MBTPS2: variants seen among roughly 807,000 people sequenced by gnomAD.
MBTPS2 encodes the protein membrane-bound transcription factor site-2 protease.
MBTPS2 carries 2 observed loss-of-function variants against 35.4 expected under a neutral mutation model. That is an observed-to-expected ratio of 0.06 (90% CI 0.02 to 0.18). The LOEUF is 0.18. MBTPS2 is among the 10% of genes least tolerant of loss of function. The pLI is 1.00. For synonymous variants in MBTPS2, 125 were observed against 140.4 expected (o/e 0.89, Z 0.77); for missense variants, 244 against 386.5 (o/e 0.63, Z 3.09).
chrX:21,845,150 G>T, intron 2 of MBTPS2, 21 bp from the exon 3 acceptor site: 4 of 1,209,769 alleles, frequency 3.3e-6, no homozygotes, highest in Non-Finnish European at 4.5e-6. Context: ...AAATTAACAT[G>T]ATTTTTTTCC....
chrX:21,863,111 C>A (rs2147443724), intron 5 of MBTPS2, among the ~76,000 whole-genome samples: 1 of 93,967 alleles, frequency 1.1e-5, no homozygotes, highest in African/African-American at 3.8e-5. Context: ...AACACACACA[C>A]TAAAAAACTA....
rs1192703780 is a variant in MBTPS2, at chrX:21,839,617, G to C, written c.-118G>C. 5 of 731,168 alleles carry C rather than the reference G, an allele frequency of 6.8e-6. No homozygotes were observed. Among genetic ancestry groups the C allele is most frequent in the Non-Finnish European group, 1.0e-5 (5 of 478,540 alleles). 60.3% of individuals were successfully genotyped at this position (731,168 alleles called of 1,213,427 possible). On this transcript the variant is annotated 5_prime_UTR_variant, in exon 1 of 11. Transcript: ENST00000379484. ...ACCGTGCCACCGCAAGGAAGGAGCC[G>C]GCGGTAGCTTGGTTCCTGAGCGGAT...
chrX:21,856,311 TGC>T, intron 5 of MBTPS2: 3 of 379,491 alleles, frequency 7.9e-6, no homozygotes, highest in Non-Finnish European at 1.4e-5. Context: ...CGCCTTTCTC[TGC>T]AGCTCGCGCC....
At chrX:21,857,025 G>A in intron 5 of MBTPS2, 1 of 1,211,963 alleles carries the variant, frequency 8.3e-7, no homozygotes, top group Non-Finnish European at 1.1e-6. Flanking sequence ...AACGCTGGAG[G>A]GTGAGTTTTC....
chrX:21,863,576 A>G (rs1477621696), intron 5 of MBTPS2, among the ~76,000 whole-genome samples: 1 of 111,700 alleles, frequency 9.0e-6, no homozygotes, highest in African/African-American at 3.2e-5. Context: ...TTAAAAGCCA[A>G]TTGAACATTT....
At chrX:21,846,493 C>T (rs375913276) in intron 3 of MBTPS2, among the ~76,000 whole-genome samples, 1 of 112,013 alleles carries the variant, frequency 8.9e-6, no homozygotes, top group East Asian at 2.8e-4. Flanking sequence ...GCCTCAGCCT[C>T]CTGAGTAGCT....
At chrX:21,879,821 G>T (rs932421371) in intron 9 of MBTPS2, among the ~76,000 whole-genome samples, 6 of 110,208 alleles carry the variant, frequency 5.4e-5, no homozygotes, top group Admixed American at 2.0e-4. Context: ...ATGTTTTCAA[G>T]GTTTATCTGT....
At chrX:21,850,057 G>A (rs1485781552) in intron 3 of MBTPS2, among the ~76,000 whole-genome samples, 1 of 106,834 alleles carries the variant, frequency 9.4e-6, no homozygotes, top group Non-Finnish European at 1.9e-5. Flanking sequence ...AAAGAGACAG[G>A]ACCTCAAACC....
At chrX:21,859,138 TTAGAAA>T (rs938824651) in intron 5 of MBTPS2, among the ~76,000 whole-genome samples, 16 of 110,943 alleles carry the variant, frequency 1.4e-4, no homozygotes, top group Non-Finnish European at 2.3e-4. Flanking sequence ...TTTCACATTC[TTAGAAA>T]TAGGAAGTTC....
chrX:21,873,393 A>G (rs1266986536), intron 7 of MBTPS2, among the ~76,000 whole-genome samples: 1 of 112,584 alleles, frequency 8.9e-6, no homozygotes, highest in Non-Finnish European at 1.9e-5. Context: ...AAAGTTTTAG[A>G]CAATAACTAG....
At chrX:21,877,073 ATT>A (rs1241829706) in intron 7 of MBTPS2, among the ~76,000 whole-genome samples, 1 of 112,001 alleles carries the variant, frequency 8.9e-6, no homozygotes, top group African/African-American at 3.2e-5. Context: ...ACATGAAATC[ATT>A]TTTTGTCCCA....
rs1474590501 is a variant in MBTPS2, at chrX:21,885,273, T to G, written c.*2618T>G. The G allele has an allele frequency of 4.9e-5, 37 of 750,296 alleles. No individual in the cohort carries two copies. Among genetic ancestry groups the G allele is most frequent in the Non-Finnish European group, 5.7e-5 (36 of 636,948 alleles). 61.8% of individuals were successfully genotyped at this position (750,296 alleles called of 1,213,427 possible). A position where few individuals can be genotyped will look rare whatever the true frequency, so the allele number is the denominator to read the frequency against. ...TTTGTCCTATGGTATTTATTGAATG[T>G]TCACATACTAATGGTGCACAGGTGT... On this transcript the variant is annotated 3_prime_UTR_variant, in exon 11 of 11. Coordinates refer to ENST00000379484, the MANE Select transcript of MBTPS2 (RefSeq NM_015884.4).
chrX:21,844,180 C>A (rs1311758940), intron 2 of MBTPS2, among the ~76,000 whole-genome samples: 4 of 108,782 alleles, frequency 3.7e-5, no homozygotes, highest in Non-Finnish European at 7.6e-5. Context: ...TAAACCCCTA[C>A]CATGACTGAT....
At chrX:21,859,851 G>C (rs1435244113) in intron 5 of MBTPS2, among the ~76,000 whole-genome samples, 1 of 111,380 alleles carries the variant, frequency 9.0e-6, no homozygotes, top group Non-Finnish European at 1.9e-5. Flanking sequence ...TCAACACTTT[G>C]GAAGGCCAAG....
At chrX:21,879,594 A>G (rs1223624388) in intron 9 of MBTPS2, among the ~76,000 whole-genome samples, 1 of 110,983 alleles carries the variant, frequency 9.0e-6, no homozygotes, top group Non-Finnish European at 1.9e-5. Flanking sequence ...GATTTTTAAT[A>G]TATTGAGTTG....
intron 7 of MBTPS2, among the ~76,000 whole-genome samples, chrX:21,873,276 T>C (rs1421087112): frequency 1.8e-5 from 2 of 111,920 alleles, no homozygotes; most frequent in Non-Finnish European, 3.8e-5. Flanking sequence ...TCTGGTCTTA[T>C]CTGGGTCAGA....
chrX:21,850,682 A>C (rs1388395044), intron 3 of MBTPS2, among the ~76,000 whole-genome samples: 1 of 111,225 alleles, frequency 9.0e-6, no homozygotes. Flanking sequence ...TTACGAGAAT[A>C]TATCTTTGCT....
At chrX:21,847,732 G>T (rs777608233) in intron 3 of MBTPS2, among the ~76,000 whole-genome samples, 2 of 112,219 alleles carry the variant, frequency 1.8e-5, no homozygotes, top group African/African-American at 6.5e-5. Context: ...GATATAGAGG[G>T]TATGTATGAC....
intron 5 of MBTPS2, among the ~76,000 whole-genome samples, chrX:21,862,933 CATATATATATATATATATAT>C (rs542223686): frequency 5.4e-4 from 15 of 27,683 alleles, no homozygotes; most frequent in South Asian, 2.8e-3. Flanking sequence ...TATATATAAA[CATATATATATATATATATAT>C]ATATATATAT....
Sources: gnomAD v4.1 joint callset for allele counts (sites outside exome capture counted in the v4.1 genomes callset) on GRCh38, gnomAD v4.1.1 for gene constraint, MANE v1.5 for transcripts, NCBI Gene and HGNC (gene_info 2026-07-23, HGNC 2026-07-21) for gene names.